Variants in CLVS1 observed in about 807,000 individuals in gnomAD.
CLVS1 encodes clavesin 1.
In CLVS1, 10 loss-of-function variants were observed where a neutral mutation model predicts 33.1. The observed-to-expected ratio is 0.30, with a 90% CI of 0.19 to 0.51. The LOEUF is 0.51. Ranked by LOEUF, CLVS1 falls within the 20% of genes least tolerant of loss-of-function variation. The probability of loss-of-function intolerance (pLI) is 0.97; values close to 1 mark genes in which losing one functional copy is unlikely to be tolerated. For missense variants in CLVS1, 343 were observed against 433.4 expected, an observed-to-expected ratio of 0.79 and a Z score of 1.85; for synonymous variants, 163 against 166.1, an observed-to-expected ratio of 0.98 and a Z score of 0.14.
intron 2 of CLVS1, chr8:61,264,784 T>C (rs1439901374): frequency 6.6e-6 from 1 of 152,186 alleles, no homozygotes; most frequent in Admixed American, 6.5e-5. Context: ...TTCTCTGATG[T>C]CCACATACCA....
At chr8:61,267,481 T>C (rs1809334508) in intron 2 of CLVS1, among the ~76,000 whole-genome samples, 1 of 152,202 alleles carries the variant, frequency 6.6e-6, no homozygotes, top group Non-Finnish European at 1.5e-5. Flanking sequence ...TTTCTTTGTT[T>C]TATATCAGTC....
At chr8:61,453,696 G>C (rs10283259) in intron 3 of CLVS1, among the ~76,000 whole-genome samples, 2,889 of 152,268 alleles carry the variant, frequency 0.019, 95 homozygotes, top group African/African-American at 0.066. Context: ...CACCCAGAAA[G>C]TTCAGTTACT....
intron 2 of CLVS1, among the ~76,000 whole-genome samples, chr8:61,204,339 C>G (rs574168308): frequency 1.3e-5 from 2 of 152,148 alleles, no homozygotes; most frequent in East Asian, 1.9e-4. Flanking sequence ...AAATAAAGTA[C>G]AGAGAGACTG....
At chr8:61,302,550 G>A (rs1810475395) in intron 2 of CLVS1, among the ~76,000 whole-genome samples, 1 of 152,188 alleles carries the variant, frequency 6.6e-6, no homozygotes, top group South Asian at 2.1e-4. Flanking sequence ...CACTCCAACT[G>A]CAATAGAATA....
At chr8:61,084,449 C>T (rs952249234) in intron 1 of CLVS1, among the ~76,000 whole-genome samples, 1 of 152,154 alleles carries the variant, frequency 6.6e-6, no homozygotes, top group African/African-American at 2.4e-5. Context: ...TTGATTGTCA[C>T]AATTGGAGCA....
intron 3 of CLVS1, among the ~76,000 whole-genome samples, chr8:61,427,276 A>G (rs757175584): frequency 6.6e-6 from 1 of 151,222 alleles, no homozygotes; most frequent in Non-Finnish European, 1.5e-5. Flanking sequence ...CTCTCCCCAT[A>G]CCTTCCAGCA....
chr8:61,344,460 C>A (rs986980175), intron 2 of CLVS1, among the ~76,000 whole-genome samples: 1 of 152,184 alleles, frequency 6.6e-6, no homozygotes, highest in Non-Finnish European at 1.5e-5. Flanking sequence ...CTCTTTAATT[C>A]AGTAGGACCA....
intron 2 of CLVS1, among the ~76,000 whole-genome samples, chr8:61,307,921 A>C (rs1810688869): frequency 6.6e-6 from 1 of 151,826 alleles, no homozygotes; most frequent in Admixed American, 6.6e-5. Flanking sequence ...GCTCCCATTT[A>C]TAAGAGAGAA....
intron 2 of CLVS1, among the ~76,000 whole-genome samples, chr8:61,138,131 G>A (rs971359682): frequency 8.5e-5 from 13 of 152,338 alleles, no homozygotes; most frequent in African/African-American, 2.9e-4. Flanking sequence ...GGAGGCATAA[G>A]TCAACAAGAT....
chr8:61,390,116 T>C (rs989825122), intron 3 of CLVS1, among the ~76,000 whole-genome samples: 17 of 152,332 alleles, frequency 1.1e-4, no homozygotes, highest in African/African-American at 4.1e-4. Flanking sequence ...ACATGCTCAC[T>C]GTAAAAAGAT....
intron 5 of CLVS1, among the ~76,000 whole-genome samples, chr8:61,491,334 T>G (rs547469435): frequency 6.6e-6 from 1 of 152,282 alleles, no homozygotes; most frequent in African/African-American, 2.4e-5. Context: ...GCACAGCAAG[T>G]TAGTGACATG....
At chr8:61,416,314 A>G (rs963396225) in intron 3 of CLVS1, among the ~76,000 whole-genome samples, 3 of 134,556 alleles carry the variant, frequency 2.2e-5, no homozygotes, top group Non-Finnish European at 4.5e-5. Context: ...AGATACATAC[A>G]TACATACATA....
At chr8:61,358,843 C>T (rs376029990) in intron 2 of CLVS1, among the ~76,000 whole-genome samples, 1 of 152,100 alleles carries the variant, frequency 6.6e-6, no homozygotes, top group Non-Finnish European at 1.5e-5. Context: ...CTTATGAAAC[C>T]TTTTCCTTTT....
At chr8:61,213,020 A>G (rs1170355838) in intron 2 of CLVS1, among the ~76,000 whole-genome samples, 2 of 152,022 alleles carry the variant, frequency 1.3e-5, no homozygotes, top group Non-Finnish European at 2.9e-5. Context: ...TCCTAGACCT[A>G]CATTTTGGTC....
At chr8:61,267,777 T>G (rs1207672199) in intron 2 of CLVS1, among the ~76,000 whole-genome samples, 1 of 152,224 alleles carries the variant, frequency 6.6e-6, no homozygotes, top group Non-Finnish European at 1.5e-5. Flanking sequence ...AATGTAAGCT[T>G]CCGCAGTTAG....
In CLVS1 at chr8:61,154,680, C is replaced by T. The variant is rs373161611; in HGVS notation, c.-152+22820C>T. 3.0e-4 allele frequency among the ~76,000 whole-genome samples: 46 copies of T among 152,226 alleles called. 1 individual carries two copies. In the East Asian group the frequency reaches 6.8e-3, roughly 22 times the overall value. On this transcript the variant is annotated intron_variant, in intron 2 of 2. Coordinates refer to the CLVS1 transcript ENST00000522621. Reference sequence around the variant, plus strand: ...AAGTTATTGAATGTGGACACTGAGCCTCAGTTTCTTTATCTGCAAGATAAT... The same window carrying T: ...AAGTTATTGAATGTGGACACTGAGCTTCAGTTTCTTTATCTGCAAGATAAT...
rs576907356 is a variant in CLVS1, at chr8:61,273,303, G to A, written c.-151-26374G>A. 3.3e-5 allele frequency among the ~76,000 whole-genome samples: 5 copies of A among 152,250 alleles called. No homozygotes were observed. The East Asian group carries it at 9.7e-4, about 29-fold the overall frequency. The stretch of plus-strand genomic sequence containing the variant: ...GGGGTGCCTCCCAGTTAGGTTGCTC[G>A]GGGGTCAGGGTTCAGGGACCCACTT... On this transcript the variant is annotated intron_variant, in intron 2 of 2. Transcript: ENST00000522621.
At chr8:61,482,993 A>G (rs548604462) in intron 5 of CLVS1, among the ~76,000 whole-genome samples, 49 of 152,366 alleles carry the variant, frequency 3.2e-4, no homozygotes, top group African/African-American at 1.2e-3. Context: ...AAAGCAGGAA[A>G]GATCTAAAAT....
intron 2 of CLVS1, among the ~76,000 whole-genome samples, chr8:61,343,309 CA>C (rs1260367955): frequency 6.6e-6 from 1 of 152,122 alleles, no homozygotes; most frequent in African/African-American, 2.4e-5. Flanking sequence ...TATTAGAATG[CA>C]AATTTTATTA....
Sources: gnomAD v4.1 joint callset for allele counts (sites outside exome capture counted in the v4.1 genomes callset) on GRCh38, gnomAD v4.1.1 for gene constraint, MANE v1.5 for transcripts, NCBI Gene and HGNC (gene_info 2026-07-23, HGNC 2026-07-21) for gene names.